The following ALDH3B1 variants were observed in gnomAD, a reference collection of about 807,000 sequenced individuals.
ALDH3B1 encodes aldehyde dehydrogenase family 3 member B1.
ALDH3B1 carries 37 observed loss-of-function variants against 46.2 expected under a neutral mutation model. The observed-to-expected ratio is 0.80, with a 90% CI of 0.62 to 1.05. The LOEUF is 1.05. Ranked by LOEUF, ALDH3B1 falls within the 50% of genes least tolerant of loss-of-function variation. The probability of loss-of-function intolerance (pLI) is 0.00; values close to 1 mark genes in which losing one functional copy is unlikely to be tolerated. For synonymous variants in ALDH3B1, 283 were observed against 281.0 expected (o/e 1.01, Z -0.07); for missense variants, 603 against 665.5 (o/e 0.91, Z 1.03).
intron 6 of ALDH3B1, among the ~76,000 whole-genome samples, chr11:68,020,395 G>A (rs572342697): frequency 3.2e-4 from 48 of 152,136 alleles, no homozygotes; most frequent in African/African-American, 1.1e-3. Flanking sequence ...CACCACGCCC[G>A]GCTAATTTTT....
At position 68,015,423 on chromosome 11, in the gene ALDH3B1, G is replaced by T; in HGVS notation, c.126G>T (p.Gln42His). The change falls in exon 2 of 10, where the codon CAG becomes CAT. Residue 42 changes from glutamine to histidine, a missense_variant. Physicochemically the swap from Gln to His is conservative, Grantham distance 24 (BLOSUM62 0). Coordinates refer to ENST00000342456, the MANE Select transcript of ALDH3B1 (RefSeq NM_000694.4). ...GCCGCTTCCTGCAAGAAAACAAGCAGCTTCTGCACGACGCACTGGCCCAGG... is the reference window on the plus strand; with the variant it reads ...GCCGCTTCCTGCAAGAAAACAAGCATCTTCTGCACGACGCACTGGCCCAGG... ...GLGRFLQENK[Q>H]LLHDALAQDL... 6.4e-7 allele frequency: 1 copy of T among 1,560,402 alleles called. No individual in the cohort carries two copies. Among genetic ancestry groups the T allele is most frequent in the Non-Finnish European group, 8.7e-7 (1 of 1,152,552 alleles).
At position 68,018,790 on chromosome 11, in the gene ALDH3B1, C is replaced by T. The variant is rs34280013; in HGVS notation, c.291C>T (p.Ser97=). Residue 97 remains serine, a synonymous_variant, in exon 4 of 10, where the codon TCC becomes TCT. Transcript: ENST00000342456. ...CGGCCCAGGCCACGCAGCTGGACTCCGCCTTCATCCGGAAGGAGCCCTTTG... is the reference window on the plus strand; with the variant it reads ...CGGCCCAGGCCACGCAGCTGGACTCTGCCTTCATCCGGAAGGAGCCCTTTG... ...VPKNLATQLD[S]AFIRKEPFGL... is the part of the protein sequence containing the mutation. 6,684 of 1,555,778 alleles carry T rather than the reference C, an allele frequency of 4.3e-3. 279 individuals carry two copies. The African/African-American group carries it at 0.08, about 19-fold the overall frequency.
chr11:68,013,590 G>C (rs1857279287), intron 1 of ALDH3B1, among the ~76,000 whole-genome samples: 1 of 152,206 alleles, frequency 6.6e-6, no homozygotes, highest in Non-Finnish European at 1.5e-5. Context: ...CTTTCTGTGG[G>C]CACAACAGCA....
intron 1 of ALDH3B1, among the ~76,000 whole-genome samples, chr11:68,013,280 C>G (rs572327842): frequency 1.3e-5 from 2 of 152,268 alleles, no homozygotes; most frequent in African/African-American, 4.8e-5. Context: ...TCCTGTGGCC[C>G]TGGTGAGTTG....
Position 68,027,804 on chromosome 11 carries a change from C to T in ALDH3B1, c.1272C>T (p.His424=). 3.8e-6 allele frequency: 6 copies of T among 1,559,474 alleles called. No individual in the cohort carries two copies. The highest frequency in any genetic ancestry group is 1.3e-5 in the African/African-American group (1 of 74,116). ...AGTTCTCCTTCGACACCTTCTCCCA[C>T]CATCGCGCCTGCCTCCTGCGCAGCC... ...HGKFSFDTFS[H]HRACLLRSPG... Residue 424 remains histidine, a synonymous_variant, in exon 10 of 10, where the codon CAC becomes CAT. Transcript: ENST00000342456.
intron 1 of ALDH3B1, among the ~76,000 whole-genome samples, chr11:68,011,024 G>A (rs1857218476): frequency 6.6e-6 from 1 of 152,234 alleles, no homozygotes; most frequent in Non-Finnish European, 1.5e-5. Context: ...CCACCAATGA[G>A]GGGATACGCT....
At position 68,021,650 on chromosome 11, in the gene ALDH3B1, C is replaced by T; in HGVS notation, c.728C>T (p.Thr243Ile). 2.5e-6 allele frequency: 4 copies of T among 1,614,048 alleles called. No individual in the cohort carries two copies. Among genetic ancestry groups the T allele is most frequent in the Non-Finnish European group, 3.4e-6 (4 of 1,179,980 alleles). ...AWFRYFNAGQ[T>I]CVAPDYVLCS... ...TTCCGCTACTTCAACGCCGGCCAGACCTGCGTGGCCCCCGACTACGTCCTA... is the reference window on the plus strand; with the variant it reads ...TTCCGCTACTTCAACGCCGGCCAGATCTGCGTGGCCCCCGACTACGTCCTA... The change falls in exon 7 of 10, where the codon ACC becomes ATC. Residue 243 changes from threonine (T) to isoleucine (I), a missense_variant. Thr to Ile is a moderately conservative substitution (Grantham distance 89). Coordinates refer to ENST00000342456, the MANE Select transcript of ALDH3B1 (RefSeq NM_000694.4).
In ALDH3B1 at chr11:68,028,146, G is replaced by C. The variant is rs3751081; in HGVS notation, c.*207G>C. ...TCAGCCGCTCCCAACCATGAGAGCC[G>C]AGGTGGGAGGCATGGGAAACAGTGC... On this transcript the variant is annotated 3_prime_UTR_variant, in exon 10 of 10. Coordinates refer to ENST00000342456, the MANE Select transcript of ALDH3B1 (RefSeq NM_000694.4). 1 of 778,056 alleles carries C rather than the reference G, an allele frequency of 1.3e-6. No individual in the cohort carries two copies. Among genetic ancestry groups the C allele is most frequent in the Non-Finnish European group, 2.3e-6 (1 of 437,116 alleles). 48.2% of individuals were successfully genotyped at this position (778,056 alleles called of 1,614,324 possible). A position where few individuals can be genotyped will look rare whatever the true frequency, so the allele number is the denominator to read the frequency against.
At chr11:68,015,672 G>A in intron 2 of ALDH3B1, 1 of 726,700 alleles carries the variant, frequency 1.4e-6, no homozygotes, top group Admixed American at 2.0e-5. Flanking sequence ...TATGTGCCAG[G>A]TACTGTTCTA....
intron 2 of ALDH3B1, chr11:68,017,758 C>T (rs904895368): frequency 6.6e-6 from 1 of 152,308 alleles, no homozygotes; most frequent in African/African-American, 2.4e-5. Flanking sequence ...GTGGACCAAT[C>T]TCCACCCTGC....
intron 1 of ALDH3B1, among the ~76,000 whole-genome samples, chr11:68,010,604 C>T (rs1168942895): frequency 6.6e-6 from 1 of 152,168 alleles, no homozygotes; most frequent in Non-Finnish European, 1.5e-5. Flanking sequence ...AGCGAGGTCC[C>T]GGGCACCCCC....
Position 68,027,762 on chromosome 11 carries a change from G to A in ALDH3B1, c.1230G>A (p.Met410Ile), listed in dbSNP as rs1212444240. The part of the protein sequence containing the change: ...LPFGGVGASG[M>I]GRYHGKFSFD... ...GCCACTGTACAGGTGCCAGTGGGAT[G>A]GGCCGGTACCATGGCAAGTTCTCCT... The change falls in exon 10 of 10, where the codon ATG becomes ATA. Residue 410 changes from methionine to isoleucine, a missense_variant. Met to Ile is a conservative substitution (Grantham distance 10). Coordinates refer to ENST00000342456, the MANE Select transcript of ALDH3B1 (RefSeq NM_000694.4). 2.6e-6 allele frequency: 4 copies of A among 1,557,252 alleles called. No homozygotes were observed. The highest frequency in any genetic ancestry group is 2.0e-5 in the Admixed American group (1 of 51,038).
chr11:68,009,255 G>C (rs1198243325), upstream of ALDH3B1, among the ~76,000 whole-genome samples: 1 of 152,240 alleles, frequency 6.6e-6, no homozygotes, highest in Non-Finnish European at 1.5e-5. Context: ...CCATGGGGTG[G>C]TGTGGAGGAA....
At chr11:68,020,537 G>A (rs963938279) in intron 6 of ALDH3B1, among the ~76,000 whole-genome samples, 5 of 152,180 alleles carry the variant, frequency 3.3e-5, no homozygotes, top group African/African-American at 9.7e-5. Flanking sequence ...ACCCGGCTTC[G>A]AGTTTTTGAG....
At chr11:68,012,929 G>T (rs1170788856) in intron 1 of ALDH3B1, among the ~76,000 whole-genome samples, 1 of 152,172 alleles carries the variant, frequency 6.6e-6, no homozygotes, top group Non-Finnish European at 1.5e-5. Flanking sequence ...GGGGTGAATA[G>T]TGGTCCCTCA....
intron 7 of ALDH3B1, 61 bp from the exon 8 acceptor site, chr11:68,022,534 C>A: frequency 7.0e-7 from 1 of 1,436,798 alleles, no homozygotes; most frequent in South Asian, 1.2e-5. Context: ...CCACCTCTAC[C>A]CCCACCCTGG....
intron 9 of ALDH3B1, 34 bp from the exon 10 acceptor site, chr11:68,027,715 C>T (rs1314782925): frequency 5.2e-6 from 8 of 1,547,564 alleles, no homozygotes; most frequent in African/African-American, 1.4e-5. Context: ...AGACCCCCAG[C>T]GCCTGACCAC....
At position 68,018,654 on chromosome 11, in the gene ALDH3B1, G is replaced by A. The variant is rs369048585; in HGVS notation, c.273+17G>A. On this transcript the variant is annotated intron_variant, in intron 3 of 9. Coordinates refer to ENST00000342456, the MANE Select transcript of ALDH3B1 (RefSeq NM_000694.4). ...AAGAACCTGGTGAGCCGGCCGGGCT[G>A]AGGCGGGCAGGGGGCTCAGGGGATA... The A allele has an allele frequency of 1.9e-6, 3 of 1,559,040 alleles. No individual in the cohort carries two copies. The highest frequency in any genetic ancestry group is 2.4e-5 in the East Asian group (1 of 41,424).
chr11:68,026,314 A>C (rs555499548), intron 9 of ALDH3B1, among the ~76,000 whole-genome samples: 57 of 152,178 alleles, frequency 3.7e-4, no homozygotes, highest in Non-Finnish European at 6.6e-4. Flanking sequence ...ATCTCAAAAA[A>C]AAGTCTGTGG....
Sources: gnomAD v4.1 joint callset for allele counts (sites outside exome capture counted in the v4.1 genomes callset) on GRCh38, gnomAD v4.1.1 for gene constraint, MANE v1.5 for transcripts, NCBI Gene and HGNC (gene_info 2026-07-23, HGNC 2026-07-21) for gene names.